Variants in USH2A observed in about 807,000 individuals in gnomAD.
The protein encoded by USH2A is usherin.
In USH2A, 443 loss-of-function variants were observed where a neutral mutation model predicts 538.9. The ratio of observed to expected loss-of-function variants is 0.82; its 90% CI spans 0.76 to 0.89. The LOEUF is 0.89. Ranked by LOEUF, USH2A falls within the 40% of genes least tolerant of loss-of-function variation. USH2A has a pLI of 0.00. For synonymous variants in USH2A, 2,413 were observed against 2,273.5 expected, an observed-to-expected ratio of 1.06 and a Z score of -1.75; for missense variants, 6,633 against 6,324.8, an observed-to-expected ratio of 1.05 and a Z score of -1.65.
chr1:216,042,269 TTA>T, intron 32 of USH2A, among the ~76,000 whole-genome samples: 1 of 152,192 alleles, frequency 6.6e-6, no homozygotes, highest in East Asian at 1.9e-4. Flanking sequence ...CCATCAAATA[TTA>T]TGAGTTTCAA....
intron 61 of USH2A, among the ~76,000 whole-genome samples, chr1:215,703,783 C>T (rs561332367): frequency 4.3e-4 from 66 of 152,244 alleles, no homozygotes; most frequent in African/African-American, 1.4e-3. Flanking sequence ...CAAGACCACA[C>T]GGCTCCCTGG....
intron 59 of USH2A, 62 bp downstream of exon 59, chr1:215,743,115 G>A: frequency 6.3e-7 from 1 of 1,576,770 alleles, no homozygotes; most frequent in Non-Finnish European, 8.7e-7. Context: ...CCTTTTTAAT[G>A]AAATTTTTTA....
chr1:216,084,647 G>T, intron 25 of USH2A, 51 bp downstream of exon 25: 1 of 1,590,776 alleles, frequency 6.3e-7, no homozygotes, highest in Non-Finnish European at 8.6e-7. Flanking sequence ...ATTATACAAA[G>T]GATAGAACAT....
intron 38 of USH2A, among the ~76,000 whole-genome samples, chr1:215,926,158 T>C (rs893330983): frequency 6.6e-6 from 1 of 151,540 alleles, no homozygotes; most frequent in Admixed American, 6.6e-5. Flanking sequence ...CTTTCGTATA[T>C]TCTTGCTTTT....
rs193193578 is a variant in USH2A, at chr1:216,019,965, T to A, written c.6326-19403A>T. On this transcript the variant is annotated intron_variant, in intron 32 of 71. Transcript: ENST00000307340. ...CTGGTAAAGTGTTTGATGTTGCAAG[T>A]GTAAATTAACAACTAGTAGTATTTG... Among the ~76,000 whole-genome samples the A allele has an allele frequency of 6.6e-5, 10 of 152,318 alleles. No individual in the cohort carries two copies. In the East Asian group the frequency reaches 1.9e-3, roughly 29 times the overall value.
At chr1:215,956,456 G>A (rs1019064472) in intron 37 of USH2A, among the ~76,000 whole-genome samples, 4 of 152,072 alleles carry the variant, frequency 2.6e-5, no homozygotes, top group African/African-American at 9.7e-5. Context: ...AAAGCCAAAG[G>A]TACATCATCT....
At chr1:215,964,358 G>A (rs561494094) in intron 37 of USH2A, among the ~76,000 whole-genome samples, 1 of 152,234 alleles carries the variant, frequency 6.6e-6, no homozygotes, top group South Asian at 2.1e-4. Flanking sequence ...ACTCTGACAC[G>A]CACTTGACTC....
At chr1:215,793,901 C>T (rs945851276) in intron 50 of USH2A, among the ~76,000 whole-genome samples, 50 of 152,048 alleles carry the variant, frequency 3.3e-4, no homozygotes, top group Admixed American at 2.6e-3. Flanking sequence ...TTGAATGAAA[C>T]GGAGGTTTTA....
chr1:215,942,867 G>A (rs1666669424), intron 37 of USH2A, among the ~76,000 whole-genome samples: 1 of 152,186 alleles, frequency 6.6e-6, no homozygotes, highest in African/African-American at 2.4e-5. Context: ...ATCCTGCCAA[G>A]CACTGTGCTG....
At chr1:216,154,841 G>A (rs1404542325) in intron 21 of USH2A, among the ~76,000 whole-genome samples, 1 of 151,406 alleles carries the variant, frequency 6.6e-6, no homozygotes, top group African/African-American at 2.4e-5. Context: ...ATGGATATTT[G>A]AGTTGTTTCC....
chr1:216,059,598 C>G lies in USH2A; in HGVS notation c.6049+10503G>C, dbSNP rs143769493. Among the ~76,000 whole-genome samples, 752 of 152,250 alleles carry G rather than the reference C, an allele frequency of 4.9e-3. 21 individuals carry two copies. Among genetic ancestry groups the G allele is most frequent in the Admixed American group, 0.046 (703 of 15,292 alleles). On this transcript the variant is annotated intron_variant, in intron 30 of 71. Coordinates refer to ENST00000307340, the MANE Select transcript of USH2A (RefSeq NM_206933.4). The stretch of plus-strand genomic sequence containing the variant: ...TTTTTACTTTTTCCTCCATCCCTTA[C>G]CCATTTCCAAAATATGTAGTTGAAT...
intron 9 of USH2A, among the ~76,000 whole-genome samples, chr1:216,321,425 G>C (rs961418438): frequency 1.1e-4 from 16 of 152,026 alleles, no homozygotes. Flanking sequence ...TAATTAAAAT[G>C]CCTGATATTA....
At position 216,245,221 on chromosome 1, in the gene USH2A, A is replaced by G. The variant is rs1392326918; in HGVS notation, c.2809+1364T>C. Among the ~76,000 whole-genome samples the G allele has an allele frequency of 2.0e-5, 3 of 152,216 alleles. No individual in the cohort carries two copies. In the East Asian group the frequency reaches 5.8e-4, roughly 29 times the overall value. ...CTGGGATACTTACCACCTTGCTTCT[A>G]CCTGATGAAATGGTCCCTAAAAGCT... On this transcript the variant is annotated intron_variant, in intron 13 of 71. Coordinates refer to ENST00000307340, the MANE Select transcript of USH2A (RefSeq NM_206933.4).
intron 61 of USH2A, among the ~76,000 whole-genome samples, chr1:215,699,650 T>C (rs1346212881): frequency 6.6e-6 from 1 of 152,220 alleles, no homozygotes; most frequent in Non-Finnish European, 1.5e-5. Context: ...GCTTGTGATT[T>C]TTGCACATTG....
At chr1:216,006,622 C>A (rs1373683387) in intron 32 of USH2A, among the ~76,000 whole-genome samples, 2 of 152,148 alleles carry the variant, frequency 1.3e-5, no homozygotes, top group Non-Finnish European at 2.9e-5. Flanking sequence ...GCTTTTGGAA[C>A]TTTTCAGCCA....
intron 52 of USH2A, among the ~76,000 whole-genome samples, 180 bp downstream of exon 52, chr1:215,786,490 G>A (rs540343984): frequency 6.6e-6 from 1 of 152,174 alleles, no homozygotes; most frequent in Non-Finnish European, 1.5e-5. Flanking sequence ...TTAAAGTACT[G>A]ACTTTGAATA....
At chr1:216,006,226 C>A (rs541695771) in intron 32 of USH2A, among the ~76,000 whole-genome samples, 1 of 152,230 alleles carries the variant, frequency 6.6e-6, no homozygotes, top group East Asian at 1.9e-4. Context: ...GAATGATTTC[C>A]AAGATTCTAA....
At chr1:216,082,372 T>TA (rs900385549) in intron 26 of USH2A, among the ~76,000 whole-genome samples, 18 of 145,180 alleles carry the variant, frequency 1.2e-4, no homozygotes, top group Admixed American at 6.9e-5. Flanking sequence ...AACAAATATT[T>TA]AAAAAAGCAG....
At chr1:216,155,932 A>T (rs773466234) in intron 21 of USH2A, among the ~76,000 whole-genome samples, 2 of 152,192 alleles carry the variant, frequency 1.3e-5, no homozygotes, top group African/African-American at 4.8e-5. Flanking sequence ...ACTTTTAGTG[A>T]GTCAATCTAT....
Sources: gnomAD v4.1 joint callset for allele counts (sites outside exome capture counted in the v4.1 genomes callset) on GRCh38, gnomAD v4.1.1 for gene constraint, MANE v1.5 for transcripts, NCBI Gene and HGNC (gene_info 2026-07-23, HGNC 2026-07-21) for gene names.